MAP6D1: variants seen among roughly 807,000 people sequenced by gnomAD.
MAP6D1 encodes MAP6 domain-containing protein 1.
In MAP6D1, 13 loss-of-function variants were observed where a neutral mutation model predicts 17.4. The ratio of observed to expected loss-of-function variants is 0.75; its 90% CI spans 0.49 to 1.19. MAP6D1 has a LOEUF of 1.19. Among genes scored for constraint, MAP6D1 ranks in the 50% most tolerant of loss-of-function variants. MAP6D1 has a pLI of 0.00. For synonymous variants in MAP6D1, 141 were observed against 145.7 expected (o/e 0.97, Z 0.23); for missense variants, 313 against 312.6 (o/e 1.00, Z -0.01).
In MAP6D1 at chr3:183,816,679, G is replaced by A. The variant is rs1379136093; in HGVS notation, c.*677C>T. On this transcript the variant is annotated 3_prime_UTR_variant, in exon 3 of 3. Coordinates refer to ENST00000318631, the MANE Select transcript of MAP6D1 (RefSeq NM_024871.4). ...GGAAAATCATTAGTAACAAAATGTG[G>A]ATTCAATCTTTAGAACCTAGCACAA... 6.6e-6 allele frequency: 1 copy of A among 152,538 alleles called. No individual in the cohort carries two copies. The highest frequency in any genetic ancestry group is 1.5e-5 in the Non-Finnish European group (1 of 68,298). The allele number at this position is 152,538 out of a possible 1,614,324, so 9.4% of individuals were successfully genotyped here. A position where few individuals can be genotyped will look rare whatever the true frequency, so the allele number is the denominator to read the frequency against.
chr3:183,817,951 G>T, intron 2 of MAP6D1, 43 bp downstream of exon 2: 1 of 1,455,742 alleles, frequency 6.9e-7, no homozygotes, highest in Non-Finnish European at 9.6e-7. Context: ...CGGGGAAAGA[G>T]GCCTCTATAC....
Position 183,825,274 on chromosome 3 carries a change from C to G in MAP6D1, c.274G>C (p.Gly92Arg). Reference sequence around the variant, plus strand: ...GATTTGCCCCTGCGGCCGCCCGCCCCCGGTCCGCGCCCCGGCGGCGGATCC... The same window carrying G: ...GATTTGCCCCTGCGGCCGCCCGCCCGCGGTCCGCGCCCCGGCGGCGGATCC... ...PKDPPPGRGP[G>R]AGGRRGKSSA... The change falls in exon 1 of 3, where the codon GGG becomes CGG. Residue 92 changes from glycine (G) to arginine (R), a missense_variant. Coordinates refer to ENST00000318631, the MANE Select transcript of MAP6D1 (RefSeq NM_024871.4). The G allele has an allele frequency of 7.4e-7, 1 of 1,342,342 alleles. No individual in the cohort carries two copies. The highest frequency in any genetic ancestry group is 2.1e-5 in the South Asian group (1 of 47,890). 83.2% of individuals were successfully genotyped at this position (1,342,342 alleles called of 1,614,324 possible).
chr3:183,823,671 C>T (rs1452466000), intron 1 of MAP6D1, among the ~76,000 whole-genome samples: 1 of 152,058 alleles, frequency 6.6e-6, no homozygotes, highest in East Asian at 1.9e-4. Flanking sequence ...AGCCTGTAAT[C>T]CCAGCTACTC....
In MAP6D1 at chr3:183,825,496, G is replaced by A. The variant is rs1442885026; in HGVS notation, c.52C>T (p.Gln18Ter). ...RLCCLARRWN[Q>*]LDRSDVAVPL... ...ACCGCCACGTCGGAGCGGTCCAGCT[G>A]GTTCCAGCGCCGCGCCAGGCAGCAC... The change falls in exon 1 of 3, where the codon CAG (glutamine) becomes TAG (stop). Residue 18 changes from glutamine to a stop codon, truncating the protein, a stop_gained. Transcript: ENST00000318631. LOFTEE classifies it high-confidence loss of function. 1.4e-6 allele frequency: 2 copies of A among 1,419,510 alleles called. No homozygotes were observed. The highest frequency in any genetic ancestry group is 6.2e-5 in the East Asian group (2 of 32,170). The allele number at this position is 1,419,510 out of a possible 1,614,324, so 87.9% of individuals were successfully genotyped here.
chr3:183,817,991 G>A lies in MAP6D1; in HGVS notation c.519+3C>T, dbSNP rs375032709. On this transcript the variant is annotated splice_donor_region_variant and intron_variant, in intron 2 of 2. Coordinates refer to ENST00000318631, the MANE Select transcript of MAP6D1 (RefSeq NM_024871.4). The stretch of plus-strand genomic sequence containing the variant: ...ACCCCTGCTACACCAGCTTCCGGCT[G>A]ACCTGGAAGCCGGCCCCAGGGCTGC... 1.2e-5 allele frequency: 19 copies of A among 1,611,296 alleles called. No homozygotes were observed. The Admixed American group carries it at 2.5e-4, about 21-fold the overall frequency.
At position 183,819,342 on chromosome 3, in the gene MAP6D1, C is replaced by T. The variant is rs545065900; in HGVS notation, c.402-1231G>A. Among the ~76,000 whole-genome samples, 4 of 152,380 alleles carry T rather than the reference C, an allele frequency of 2.6e-5. No homozygotes were observed. The East Asian group carries it at 7.7e-4, about 29-fold the overall frequency. On this transcript the variant is annotated intron_variant, in intron 1 of 2. Coordinates refer to ENST00000318631, the MANE Select transcript of MAP6D1 (RefSeq NM_024871.4). ...TGCCCAAACCATATGCTGCTCTGTT[C>T]CTCCTGCGGAAGCAGGTCCTCCCCT...
At chr3:183,821,211 G>A (rs185980909) in intron 1 of MAP6D1, among the ~76,000 whole-genome samples, 46 of 152,338 alleles carry the variant, frequency 3.0e-4, no homozygotes, top group Non-Finnish European at 5.4e-4. Context: ...CTGGCCTCAG[G>A]ACACAGTTCA....
chr3:183,819,989 A>C (rs1376642975), intron 1 of MAP6D1, among the ~76,000 whole-genome samples: 1 of 152,202 alleles, frequency 6.6e-6, no homozygotes, highest in Non-Finnish European at 1.5e-5. Flanking sequence ...AAAGATGCCC[A>C]ATGGCCCAGA....
chr3:183,819,402 G>C (rs1331763355), intron 1 of MAP6D1, among the ~76,000 whole-genome samples: 2 of 152,182 alleles, frequency 1.3e-5, no homozygotes, highest in African/African-American at 4.8e-5. Context: ...CACTTCACAT[G>C]CCCACGCTGA....
chr3:183,820,965 G>T (rs1379059604), intron 1 of MAP6D1, among the ~76,000 whole-genome samples: 72 of 151,380 alleles, frequency 4.8e-4, no homozygotes, highest in Non-Finnish European at 5.5e-4. Context: ...TGTGGTGGTG[G>T]GCGCCTGTAG....
rs747592296 is a variant in MAP6D1, at chr3:183,825,175, C to T, written c.373G>A (p.Ala125Thr). 1.0e-5 allele frequency: 15 copies of T among 1,460,868 alleles called. 1 individual carries two copies. In the South Asian group the frequency reaches 1.5e-4, roughly 15 times the overall value. 90.5% of individuals were successfully genotyped at this position (1,460,868 alleles called of 1,614,324 possible). The change falls in exon 1 of 3, where the codon GCG becomes ACG. Residue 125 changes from alanine to threonine, a missense_variant. By Grantham distance (58) the Ala-to-Thr change is moderately conservative. Transcript: ENST00000318631. Reference sequence around the variant, plus strand: ...TACGACGTGGTCACTGCTGCAGCCGCGTCCGCGTCGCCGATGGGCAGCACG... The same window carrying T: ...TACGACGTGGTCACTGCTGCAGCCGTGTCCGCGTCGCCGATGGGCAGCACG... ...VYVLPIGDAD[A>T]AAAVTTSYRQ...
intron 1 of MAP6D1, among the ~76,000 whole-genome samples, chr3:183,822,907 G>A (rs745844840): frequency 6.6e-6 from 1 of 152,254 alleles, no homozygotes; most frequent in Non-Finnish European, 1.5e-5. Flanking sequence ...GGAAGGAAGC[G>A]CTTTCTGTCA....
intron 1 of MAP6D1, among the ~76,000 whole-genome samples, chr3:183,818,833 C>T (rs544755087): frequency 2.6e-5 from 4 of 152,152 alleles, no homozygotes; most frequent in African/African-American, 9.6e-5. Context: ...GAGCCTGTGG[C>T]GGGGAGGGTG....
At chr3:183,823,323 C>T (rs779893655) in intron 1 of MAP6D1, among the ~76,000 whole-genome samples, 2 of 149,492 alleles carry the variant, frequency 1.3e-5, no homozygotes, top group African/African-American at 2.5e-5. Context: ...GTCCCTCATC[C>T]GGGCATGGTG....
At chr3:183,818,667 A>C (rs1727176764) in intron 1 of MAP6D1, among the ~76,000 whole-genome samples, 1 of 152,242 alleles carries the variant, frequency 6.6e-6, no homozygotes, top group African/African-American at 2.4e-5. Context: ...AAGACTGAAA[A>C]GAAAAATAAG....
intron 1 of MAP6D1, among the ~76,000 whole-genome samples, chr3:183,824,154 T>G (rs530700395): frequency 3.9e-5 from 6 of 152,308 alleles, no homozygotes; most frequent in African/African-American, 1.2e-4. Flanking sequence ...TCTCCACCTA[T>G]CTTACGCTCC....
chr3:183,816,073 G>A lies in MAP6D1; in HGVS notation c.*1283C>T, dbSNP rs1560353550. On this transcript the variant is annotated 3_prime_UTR_variant, in exon 3 of 3. Coordinates refer to ENST00000318631, the MANE Select transcript of MAP6D1 (RefSeq NM_024871.4). ...CCCCTTGGATAAGCACACGCTTTGG[G>A]CTTCTTTAAAGCGAGCCTCTCATCA... 1 of 152,184 alleles carries A rather than the reference G, an allele frequency of 6.6e-6. No individual in the cohort carries two copies. Among genetic ancestry groups the A allele is most frequent in the Non-Finnish European group, 1.5e-5 (1 of 68,034 alleles). The allele number at this position is 152,184 out of a possible 1,614,324, so 9.4% of individuals were successfully genotyped here.
At chr3:183,820,395 T>G (rs891396520) in intron 1 of MAP6D1, 1 of 152,270 alleles carries the variant, frequency 6.6e-6, no homozygotes, top group African/African-American at 2.4e-5. Context: ...ATCCTGTGTT[T>G]CTGCCCGAAT....
chr3:183,822,936 T>C (rs765661398), intron 1 of MAP6D1, among the ~76,000 whole-genome samples: 2 of 152,242 alleles, frequency 1.3e-5, no homozygotes, highest in Admixed American at 6.5e-5. Context: ...AGTCTGCCCA[T>C]GGAGCGAGCT....
Sources: allele counts gnomAD v4.1 joint callset (sites outside exome capture counted in the v4.1 genomes callset), GRCh38; gene constraint gnomAD v4.1.1; transcripts MANE v1.5; gene names NCBI Gene and HGNC (gene_info 2026-07-23, HGNC 2026-07-21).